IDE: variants seen among roughly 807,000 people sequenced by gnomAD.
IDE encodes insulin degrading enzyme.
In IDE, 58 loss-of-function variants were observed where a neutral mutation model predicts 133.2. The ratio of observed to expected loss-of-function variants is 0.44; its 90% CI spans 0.35 to 0.54. The LOEUF is 0.54. Ranked by LOEUF, IDE falls within the 20% of genes least tolerant of loss-of-function variation. The pLI is 0.00. For missense variants in IDE, 981 were observed against 1,234.0 expected, an observed-to-expected ratio of 0.79 and a Z score of 3.07; for synonymous variants, 396 against 421.3, an observed-to-expected ratio of 0.94 and a Z score of 0.73.
At chr10:92,471,993 C>G (rs1234250576) in intron 17 of IDE, among the ~76,000 whole-genome samples, 1 of 152,088 alleles carries the variant, frequency 6.6e-6, no homozygotes, top group Non-Finnish European at 1.5e-5. Flanking sequence ...CACACTGAAC[C>G]CTGAAGTTCT....
intron 5 of IDE, among the ~76,000 whole-genome samples, chr10:92,511,675 T>C (rs1401076908): frequency 7.1e-6 from 1 of 141,384 alleles, no homozygotes; most frequent in Non-Finnish European, 1.6e-5. Flanking sequence ...ATTTATAAAA[T>C]ATACCTACTT....
intron 1 of IDE, among the ~76,000 whole-genome samples, chr10:92,546,808 C>G (rs998612692): frequency 2.0e-5 from 3 of 152,122 alleles, no homozygotes; most frequent in South Asian, 2.1e-4. Flanking sequence ...CTTGACACTT[C>G]CAGTAACTAA....
rs555591170 is a variant in IDE, at chr10:92,510,815, T to C, written c.785-653A>G. ...TGATATATAGCACATACATATCACA[T>C]ATATGATATATAGCACATACATATC... On this transcript the variant is annotated intron_variant, in intron 5 of 24. Transcript: ENST00000265986. Among the ~76,000 whole-genome samples, 644 of 148,342 alleles carry C rather than the reference T, an allele frequency of 4.3e-3. 9 individuals carry two copies. Among genetic ancestry groups the C allele is most frequent in the South Asian group, 0.017 (83 of 4,756 alleles).
chr10:92,472,720 C>T (rs942044939), intron 17 of IDE, among the ~76,000 whole-genome samples: 4 of 145,700 alleles, frequency 2.7e-5, no homozygotes, highest in Non-Finnish European at 6.0e-5. Context: ...CTCACTGCAA[C>T]CTCTGCCTCC....
intron 13 of IDE, among the ~76,000 whole-genome samples, chr10:92,483,833 A>G (rs1293921889): frequency 6.6e-6 from 1 of 152,204 alleles, no homozygotes; most frequent in African/African-American, 2.4e-5. Context: ...AGACTGCATT[A>G]TAAAAGACAC....
chr10:92,524,431 TTTTATATA>T lies in IDE; in HGVS notation c.661+7309_661+7316del, dbSNP rs1564647862. On this transcript the variant is annotated intron_variant, in intron 4 of 24. Coordinates refer to ENST00000265986, the MANE Select transcript of IDE (RefSeq NM_004969.4). ...TATATATTATATTATATATAATATATTTTATATAATATATTTTATATATTATATATTTT... is the reference window on the plus strand; with the variant it reads ...TATATATTATATTATATATAATATATATATATTTTATATATTATATATTTT... Among the ~76,000 whole-genome samples, 231 of 63,294 alleles carry T rather than the reference TTTTATATA, an allele frequency of 3.6e-3. 11 individuals carry two copies. The highest frequency in any genetic ancestry group is 6.2e-3 in the Middle Eastern group (1 of 162). 41.5% of individuals were successfully genotyped at this position (63,294 alleles called of 152,430 possible). A position where few individuals can be genotyped will look rare whatever the true frequency, so the allele number is the denominator to read the frequency against.
At chr10:92,467,811 G>C (rs1332259679) in intron 19 of IDE, among the ~76,000 whole-genome samples, 4 of 152,218 alleles carry the variant, frequency 2.6e-5, no homozygotes, top group African/African-American at 9.6e-5. Flanking sequence ...CCAGATCTGT[G>C]ATGACTGGTC....
chr10:92,545,885 C>T (rs1272269560), intron 1 of IDE, among the ~76,000 whole-genome samples: 1 of 152,170 alleles, frequency 6.6e-6, no homozygotes, highest in East Asian at 1.9e-4. Flanking sequence ...CAAAAACTGG[C>T]ACTATACACT....
chr10:92,562,029 A>G (rs2135811478), intron 1 of IDE, among the ~76,000 whole-genome samples: 1 of 152,352 alleles, frequency 6.6e-6, no homozygotes, highest in East Asian at 1.9e-4. Flanking sequence ...GGCTGTAAGA[A>G]GGAATGCATG....
chr10:92,493,567 C>CT (rs1381354689), intron 11 of IDE, among the ~76,000 whole-genome samples: 15 of 150,182 alleles, frequency 1.0e-4, no homozygotes, highest in Non-Finnish European at 1.9e-4. Flanking sequence ...GACACTCAGG[C>CT]TGTGCAGTAA....
At chr10:92,464,214 T>C (rs576943398) in intron 20 of IDE, among the ~76,000 whole-genome samples, 4 of 152,314 alleles carry the variant, frequency 2.6e-5, no homozygotes, top group African/African-American at 9.6e-5. Flanking sequence ...TGGAGATGAC[T>C]TTTTCTTCTT....
At chr10:92,455,757 C>T (rs1285995899) in intron 23 of IDE, 114 bp from the exon 24 acceptor site, 4 of 644,732 alleles carry the variant, frequency 6.2e-6, no homozygotes, top group Non-Finnish European at 8.3e-6. Flanking sequence ...CAGCCCCGTT[C>T]ATGTACTTCT....
At chr10:92,568,957 T>C (rs1471958097) in intron 1 of IDE, among the ~76,000 whole-genome samples, 1 of 152,174 alleles carries the variant, frequency 6.6e-6, no homozygotes, top group East Asian at 1.9e-4. Context: ...GGTGTTTTTT[T>C]CTTCTTTGTC....
rs184914247 is a variant in IDE at position 92,556,121 on chromosome 10, C to T, written c.98+17801G>A. Reference sequence around the variant, plus strand: ...CCGGGAAGCAGAGCTTGCAGTGAGCCGAGATTGCACCACTGCAGTCCGCAG... The same window carrying T: ...CCGGGAAGCAGAGCTTGCAGTGAGCTGAGATTGCACCACTGCAGTCCGCAG... On this transcript the variant is annotated intron_variant, in intron 1 of 24. Coordinates refer to ENST00000265986, the MANE Select transcript of IDE (RefSeq NM_004969.4). Among the ~76,000 whole-genome samples, 17 of 123,756 alleles carry T rather than the reference C, an allele frequency of 1.4e-4. 1 individual carries two copies. The highest frequency in any genetic ancestry group is 1.1e-4 in the Admixed American group (1 of 9,294). 81.2% of individuals were successfully genotyped at this position (123,756 alleles called of 152,430 possible).
intron 1 of IDE, among the ~76,000 whole-genome samples, chr10:92,571,928 G>C (rs2135860470): frequency 6.6e-6 from 1 of 152,326 alleles, no homozygotes; most frequent in South Asian, 2.1e-4. Flanking sequence ...AGCTTCAGAT[G>C]TTAGTGCTTT....
At chr10:92,476,871 T>C (rs1163521913) in intron 15 of IDE, among the ~76,000 whole-genome samples, 1 of 152,208 alleles carries the variant, frequency 6.6e-6, no homozygotes, top group Non-Finnish European at 1.5e-5. Context: ...TAGTGGCACG[T>C]ACAAGTCGTC....
At chr10:92,491,800 A>G (rs1017032544) in intron 11 of IDE, among the ~76,000 whole-genome samples, 1 of 151,770 alleles carries the variant, frequency 6.6e-6, no homozygotes, top group African/African-American at 2.4e-5. Context: ...TAGTAGAGAC[A>G]GGGTTTCACC....
intron 2 of IDE, 69 bp downstream of exon 2, chr10:92,537,297 A>G: frequency 8.1e-7 from 1 of 1,237,946 alleles, no homozygotes. Flanking sequence ...ACGTATGGAA[A>G]GTTCTAATAA....
rs952874613 is a variant in IDE, at chr10:92,452,382, A to G, written c.*2062T>C. 2.0e-5 allele frequency: 3 copies of G among 152,212 alleles called. No homozygotes were observed. The highest frequency in any genetic ancestry group is 7.2e-5 in the African/African-American group (3 of 41,460). The allele number at this position is 152,212 out of a possible 1,614,324, so 9.4% of individuals were successfully genotyped here. ...AGAAGCCTCAGGTAACTAATAACTT[A>G]GTTCCACAAATCTCATTTACTAAGC... On this transcript the variant is annotated 3_prime_UTR_variant, in exon 25 of 25. Coordinates refer to ENST00000265986, the MANE Select transcript of IDE (RefSeq NM_004969.4).
Sources: gnomAD v4.1 joint callset for allele counts (sites outside exome capture counted in the v4.1 genomes callset) on GRCh38, gnomAD v4.1.1 for gene constraint, MANE v1.5 for transcripts, NCBI Gene and HGNC (gene_info 2026-07-23, HGNC 2026-07-21) for gene names.